Variants in MARCHF1 observed in about 807,000 individuals in gnomAD.
MARCHF1 encodes E3 ubiquitin-protein ligase MARCHF1.
In MARCHF1, 40 loss-of-function variants were observed where a neutral mutation model predicts 54.2. That is an observed-to-expected ratio of 0.74 (90% CI 0.57 to 0.96). The LOEUF (loss-of-function observed/expected upper bound fraction) is 0.96. Among genes scored for constraint, MARCHF1 ranks in the 40% least tolerant of loss-of-function variants. The pLI is 0.00. For missense variants in MARCHF1, 586 were observed against 656.5 expected (o/e 0.89, Z 1.17); for synonymous variants, 236 against 236.3 (o/e 1.00, Z 0.01).
chr4:164,105,878 C>T (rs1411880047), intron 2 of MARCHF1, among the ~76,000 whole-genome samples: 1 of 147,668 alleles, frequency 6.8e-6, no homozygotes, highest in Non-Finnish European at 1.5e-5. Flanking sequence ...TGACAAAGGG[C>T]TAATATCTAG....
chr4:163,884,894 A>G (rs1376125701), intron 3 of MARCHF1, among the ~76,000 whole-genome samples: 1 of 152,160 alleles, frequency 6.6e-6, no homozygotes, highest in Non-Finnish European at 1.5e-5. Flanking sequence ...AAATACTTCA[A>G]AAGAAAATTT....
rs1739057693 is a variant in MARCHF1, at chr4:163,550,254, C to T, written c.1192-4511G>A. On this transcript the variant is annotated intron_variant, in intron 8 of 9. Transcript: ENST00000514618. ...CCGAGATCGCGCCACTGCACTCCAG[C>T]CTCGGCGACAGAGCGAGACTCCGTC... 2.1e-5 allele frequency among the ~76,000 whole-genome samples: 3 copies of T among 140,162 alleles called. 1 individual carries two copies. In the South Asian group the frequency reaches 6.6e-4, roughly 31 times the overall value. 92.0% of individuals were successfully genotyped at this position (140,162 alleles called of 152,430 possible).
chr4:164,174,689 G>A (rs1170867066), intron 1 of MARCHF1, among the ~76,000 whole-genome samples: 2 of 152,146 alleles, frequency 1.3e-5, no homozygotes, highest in Admixed American at 6.5e-5. Flanking sequence ...GCAAGGGAAC[G>A]TAATCTTATG....
chr4:163,773,608 C>G (rs1747220536), intron 4 of MARCHF1, among the ~76,000 whole-genome samples: 1 of 152,142 alleles, frequency 6.6e-6, no homozygotes, highest in Admixed American at 6.6e-5. Context: ...ATATTATCTT[C>G]TCTCGCATTT....
chr4:164,245,589 G>A (rs866093176), intron 1 of MARCHF1, among the ~76,000 whole-genome samples: 77 of 152,004 alleles, frequency 5.1e-4, no homozygotes, highest in African/African-American at 1.8e-3. Flanking sequence ...AGTGTTGGAA[G>A]TTCTGGCCAG....
chr4:163,976,875 A>C (rs1403133045), intron 3 of MARCHF1, among the ~76,000 whole-genome samples: 1 of 152,196 alleles, frequency 6.6e-6, no homozygotes. Context: ...GTCACCGTAG[A>C]GTAACAGACT....
At chr4:163,881,281 C>T (rs1321040609) in intron 3 of MARCHF1, among the ~76,000 whole-genome samples, 2 of 152,110 alleles carry the variant, frequency 1.3e-5, no homozygotes, top group Non-Finnish European at 2.9e-5. Context: ...TCAAGATCAG[C>T]CTGGCCAACA....
At chr4:164,161,239 T>C (rs1046951212) in intron 1 of MARCHF1, among the ~76,000 whole-genome samples, 1 of 152,064 alleles carries the variant, frequency 6.6e-6, no homozygotes, top group Non-Finnish European at 1.5e-5. Context: ...TAAAAATATG[T>C]AAAACCTCTC....
chr4:163,943,390 T>C (rs554073316), intron 3 of MARCHF1, among the ~76,000 whole-genome samples: 1 of 152,150 alleles, frequency 6.6e-6, no homozygotes, highest in Non-Finnish European at 1.5e-5. Context: ...GGGTCCAGTA[T>C]CAGTCTTCTG....
intron 2 of MARCHF1, among the ~76,000 whole-genome samples, chr4:164,072,941 T>C (rs1447531078): frequency 2.0e-5 from 3 of 152,176 alleles, no homozygotes; most frequent in Admixed American, 6.5e-5. Context: ...AGTAGTGATA[T>C]CAAGCGCAAT....
In MARCHF1 at chr4:163,669,601, CTT is replaced by C. The variant is rs11338534; in HGVS notation, c.162+31210_162+31211del. On this transcript the variant is annotated intron_variant, in intron 5 of 9. Coordinates refer to ENST00000514618, the MANE Select transcript of MARCHF1 (RefSeq NM_001394959.1). Reference sequence around the variant, plus strand: ...CTTTTGAGATGTTTGAGATGTTTATCTTTTTTTTTTTTTTTGAGATGGAGTCT... The same window carrying C: ...CTTTTGAGATGTTTGAGATGTTTATCTTTTTTTTTTTTTGAGATGGAGTCT... Among the ~76,000 whole-genome samples the C allele has an allele frequency of 2.9e-3, 406 of 141,632 alleles. 1 individual carries two copies. The highest frequency in any genetic ancestry group is 6.0e-3 in the African/African-American group (229 of 38,280). The allele number at this position is 141,632 out of a possible 152,430, so 92.9% of individuals were successfully genotyped here.
At chr4:163,941,493 A>G (rs947047230) in intron 3 of MARCHF1, among the ~76,000 whole-genome samples, 3 of 152,170 alleles carry the variant, frequency 2.0e-5, no homozygotes, top group South Asian at 2.1e-4. Context: ...GAAGTAAAGG[A>G]TAAATGCTTG....
intron 4 of MARCHF1, among the ~76,000 whole-genome samples, chr4:163,842,691 T>C (rs922483470): frequency 4.6e-5 from 7 of 152,174 alleles, no homozygotes; most frequent in African/African-American, 1.4e-4. Flanking sequence ...ATTCAATAAA[T>C]GTTAGCAATA....
chr4:164,236,761 G>T (rs894214495), intron 1 of MARCHF1, among the ~76,000 whole-genome samples: 32 of 152,082 alleles, frequency 2.1e-4, no homozygotes, highest in Non-Finnish European at 5.9e-5. Flanking sequence ...GAATAATGAA[G>T]ACTGATTATT....
In MARCHF1 at chr4:164,257,969, A is replaced by G. The variant is rs189179548; in HGVS notation, c.-323+125901T>C. Among the ~76,000 whole-genome samples the G allele has an allele frequency of 8.5e-3, 1,295 of 152,320 alleles. 7 individuals carry two copies. Among genetic ancestry groups the G allele is most frequent in the Non-Finnish European group, 0.015 (1,014 of 68,026 alleles). On this transcript the variant is annotated intron_variant, in intron 1 of 9. Coordinates refer to ENST00000514618, the MANE Select transcript of MARCHF1 (RefSeq NM_001394959.1). The stretch of plus-strand genomic sequence containing the variant: ...CATGCACACGTATGTTTATTGCAGC[A>G]CTGTTCACAATAGCAAAGACTTGGA...
chr4:163,638,142 A>G (rs1742412556), intron 5 of MARCHF1, among the ~76,000 whole-genome samples: 1 of 149,908 alleles, frequency 6.7e-6, no homozygotes, highest in South Asian at 2.2e-4. Context: ...ACCTAATGCT[A>G]GATGACGAGT....
chr4:164,246,478 G>A lies in MARCHF1; in HGVS notation c.-322-134816C>T, dbSNP rs2111229815. 7.7e-5 allele frequency among the ~76,000 whole-genome samples: 4 copies of A among 51,624 alleles called. 1 individual carries two copies. The South Asian group carries it at 2.7e-3, about 34-fold the overall frequency. The allele number at this position is 51,624 out of a possible 152,430, so 33.9% of individuals were successfully genotyped here. On this transcript the variant is annotated intron_variant, in intron 1 of 9. Transcript: ENST00000514618. ...AGATGGATTAAAGACTTAAACGTTA[G>A]ACCTAAAACCATAAAAACCCTAGAA... is the stretch of plus-strand genomic sequence containing the variant.
intron 8 of MARCHF1, among the ~76,000 whole-genome samples, chr4:163,565,953 C>G (rs779984048): frequency 1.3e-5 from 2 of 152,098 alleles, no homozygotes; most frequent in Non-Finnish European, 2.9e-5. Context: ...CCCGGTGGGG[C>G]TGAGGAAAGA....
intron 2 of MARCHF1, among the ~76,000 whole-genome samples, chr4:164,093,318 G>A (rs1490220504): frequency 2.6e-5 from 4 of 151,974 alleles, no homozygotes; most frequent in Admixed American, 1.3e-4. Context: ...TCTTCCTTTT[G>A]GAGAAGACAG....
Sources: gnomAD v4.1 joint callset for allele counts (sites outside exome capture counted in the v4.1 genomes callset) on GRCh38, gnomAD v4.1.1 for gene constraint, MANE v1.5 for transcripts, NCBI Gene and HGNC (gene_info 2026-07-23, HGNC 2026-07-21) for gene names.